GLIS3: variants seen among roughly 807,000 people sequenced by gnomAD.
GLIS3 encodes the protein GLIS family zinc finger 3.
Under a neutral mutation model 78.6 loss-of-function variants are expected in GLIS3, and 53 were observed. The ratio of observed to expected loss-of-function variants is 0.67; its 90% CI spans 0.54 to 0.85. GLIS3 has a LOEUF of 0.85. Ranked by LOEUF, GLIS3 falls within the 40% of genes least tolerant of loss-of-function variation. GLIS3 has a pLI of 0.00. For missense variants in GLIS3, 1,703 were observed against 1,231.1 expected, an observed-to-expected ratio of 1.38 and a Z score of -5.74; for synonymous variants, 684 against 509.9, an observed-to-expected ratio of 1.34 and a Z score of -4.60.
intron 6 of GLIS3, chr9:3,899,044 G>A: frequency 1.6e-6 from 1 of 631,988 alleles, no homozygotes; most frequent in Non-Finnish European, 2.8e-6. Flanking sequence ...CTGGAAAAAT[G>A]TGGCTAGAGG....
chr9:4,358,226 G>C, the GLIS3 span, among the ~76,000 whole-genome samples: 4 of 152,158 alleles, frequency 2.6e-5, no homozygotes, highest in African/African-American at 7.2e-5. Flanking sequence ...TAGAAAGTGA[G>C]ACTGGTCGCC....
At chr9:4,415,019 C>T in the GLIS3 span, among the ~76,000 whole-genome samples, 1 of 152,032 alleles carries the variant, frequency 6.6e-6, no homozygotes, top group Non-Finnish European at 1.5e-5. Flanking sequence ...TTTTCCTATT[C>T]CAATAGTTCT....
intron 7 of GLIS3, among the ~76,000 whole-genome samples, chr9:3,888,433 C>G (rs549121989): frequency 6.6e-4 from 101 of 152,274 alleles, no homozygotes; most frequent in African/African-American, 2.4e-3. Flanking sequence ...AGATTTTTAG[C>G]ATAGACAGCC....
chr9:4,338,847 T>C (rs1010961329), intron 2 of GLIS3, among the ~76,000 whole-genome samples: 7 of 152,116 alleles, frequency 4.6e-5, no homozygotes, highest in Non-Finnish European at 1.0e-4. Flanking sequence ...CCTTATTTAA[T>C]TGGTTTGGGG....
chr9:4,245,180 G>T (rs1187601853), intron 2 of GLIS3, among the ~76,000 whole-genome samples: 1 of 152,204 alleles, frequency 6.6e-6, no homozygotes, highest in Admixed American at 6.5e-5. Flanking sequence ...GCAACAATCA[G>T]TCCAGATCAT....
At chr9:4,115,827 C>G (rs570450124) in intron 4 of GLIS3, among the ~76,000 whole-genome samples, 13 of 152,218 alleles carry the variant, frequency 8.5e-5, no homozygotes, top group Admixed American at 2.6e-4. Context: ...CTTTGTGGTC[C>G]TAGATTCGAT....
intron 2 of GLIS3, among the ~76,000 whole-genome samples, chr9:4,152,462 A>G (rs1024091425): frequency 6.6e-6 from 1 of 152,208 alleles, no homozygotes; most frequent in Non-Finnish European, 1.5e-5. Context: ...TGTTTGGGCT[A>G]CTTTCCATTC....
At chr9:4,011,534 G>A (rs1456488165) in intron 4 of GLIS3, among the ~76,000 whole-genome samples, 3 of 152,104 alleles carry the variant, frequency 2.0e-5, no homozygotes, top group Admixed American at 1.3e-4. Flanking sequence ...AGAGATGTAC[G>A]GGCAGCCCAT....
chr9:4,279,018 G>GTGGC (rs1275516584), intron 2 of GLIS3, among the ~76,000 whole-genome samples: 7 of 152,038 alleles, frequency 4.6e-5, no homozygotes, highest in Non-Finnish European at 7.4e-5. Flanking sequence ...AAATATCAGC[G>GTGGC]TGGCTGGGCA....
intron 4 of GLIS3, among the ~76,000 whole-genome samples, chr9:3,966,731 TG>T (rs1817961976): frequency 6.6e-6 from 1 of 150,836 alleles, no homozygotes; most frequent in African/African-American, 2.4e-5. Context: ...GGAGGTGGTG[TG>T]AGCTGAGATC....
intron 4 of GLIS3, among the ~76,000 whole-genome samples, chr9:4,053,727 T>C (rs939038889): frequency 9.9e-5 from 5 of 50,344 alleles, no homozygotes; most frequent in Non-Finnish European, 3.0e-4. Flanking sequence ...AAAAAAATTC[T>C]GGATAGCAAC....
chr9:4,177,196 C>T (rs141785541), intron 2 of GLIS3, among the ~76,000 whole-genome samples: 2 of 152,344 alleles, frequency 1.3e-5, no homozygotes, highest in East Asian at 3.9e-4. Context: ...TTAATTTATA[C>T]TCCCGAGTTC....
chr9:4,430,472 T>C, the GLIS3 span, among the ~76,000 whole-genome samples: 1 of 152,260 alleles, frequency 6.6e-6, no homozygotes, highest in African/African-American at 2.4e-5. Context: ...CCTATGTCTT[T>C]CGTGCAAAAT....
chr9:4,076,392 G>T (rs1043821684), intron 4 of GLIS3, among the ~76,000 whole-genome samples: 1 of 152,110 alleles, frequency 6.6e-6, no homozygotes, highest in Non-Finnish European at 1.5e-5. Context: ...ATTCATCAAC[G>T]CATACCTGTA....
At chr9:3,922,782 G>A (rs997949663) in intron 6 of GLIS3, among the ~76,000 whole-genome samples, 7 of 152,114 alleles carry the variant, frequency 4.6e-5, no homozygotes, top group Admixed American at 2.0e-4. Flanking sequence ...AATGGAGAAA[G>A]AGATGCATAT....
At chr9:4,242,146 G>C (rs1301801683) in intron 2 of GLIS3, among the ~76,000 whole-genome samples, 1 of 152,148 alleles carries the variant, frequency 6.6e-6, no homozygotes, top group Non-Finnish European at 1.5e-5. Context: ...AACCTGGCTT[G>C]CTGCTGTGTA....
At chr9:3,905,972 C>T (rs1038259248) in intron 6 of GLIS3, among the ~76,000 whole-genome samples, 2 of 152,160 alleles carry the variant, frequency 1.3e-5, no homozygotes, top group Non-Finnish European at 2.9e-5. Flanking sequence ...GTAGACTGGA[C>T]ATTCTGGGCT....
intron 3 of GLIS3, among the ~76,000 whole-genome samples, chr9:4,125,284 T>C (rs1442144972): frequency 6.6e-6 from 1 of 152,180 alleles, no homozygotes; most frequent in Non-Finnish European, 1.5e-5. Context: ...TTTAAGTAGA[T>C]GGGTAGCTGG....
At chr9:4,180,737 G>A (rs888603545) in intron 2 of GLIS3, among the ~76,000 whole-genome samples, 3 of 152,162 alleles carry the variant, frequency 2.0e-5, no homozygotes, top group African/African-American at 7.2e-5. Flanking sequence ...ATATGTAAGA[G>A]TTATAAATTG....
Sources: allele counts gnomAD v4.1 joint callset (sites outside exome capture counted in the v4.1 genomes callset), GRCh38; gene constraint gnomAD v4.1.1; transcripts MANE v1.5; gene names NCBI Gene and HGNC (gene_info 2026-07-23, HGNC 2026-07-21).